KIAA1549L: variants seen among roughly 807,000 people sequenced by gnomAD.
KIAA1549L encodes the protein UPF0606 protein KIAA1549L.
A neutral mutation model predicts 160.7 loss-of-function variants in KIAA1549L; 88 were observed. The ratio of observed to expected loss-of-function variants is 0.55; its 90% confidence interval spans 0.46 to 0.65. KIAA1549L has a LOEUF of 0.65. Among genes scored for constraint, KIAA1549L ranks in the 30% least tolerant of loss-of-function variants. The pLI is 0.00. For missense variants in KIAA1549L, 2,258 were observed against 2,437.5 expected, an observed-to-expected ratio of 0.93 and a Z score of 1.55; for synonymous variants, 950 against 976.7, an observed-to-expected ratio of 0.97 and a Z score of 0.51.
At chr11:33,382,010 G>A (rs1313370112) in intron 1 of KIAA1549L, among the ~76,000 whole-genome samples, 5 of 152,284 alleles carry the variant, frequency 3.3e-5, no homozygotes, top group Middle Eastern at 6.8e-3. Flanking sequence ...TATTCAAGTG[G>A]AGATGTCAGG....
At position 33,632,851 on chromosome 11, in the gene KIAA1549L, C is replaced by T. The variant is rs185937035; in HGVS notation, c.5410-12835C>T. On this transcript the variant is annotated intron_variant, in intron 16 of 20. Transcript: ENST00000658780. ...CTTTGAGCAATTTTCCCACCTCAGC[C>T]TCCCAGAGTGCTGGGATTATAAACA... Among the ~76,000 whole-genome samples, 517 of 152,238 alleles carry T rather than the reference C, an allele frequency of 3.4e-3. 3 individuals are homozygous for T. Among genetic ancestry groups the T allele is most frequent in the African/African-American group, 0.012 (506 of 41,542 alleles).
chr11:33,456,241 TC>T (rs1246975647), intron 1 of KIAA1549L, among the ~76,000 whole-genome samples: 2 of 152,218 alleles, frequency 1.3e-5, no homozygotes, highest in East Asian at 3.9e-4. Context: ...AATTAATTTT[TC>T]CCCCTAGGGC....
At chr11:33,427,334 A>G (rs959107176) in intron 1 of KIAA1549L, among the ~76,000 whole-genome samples, 3 of 152,076 alleles carry the variant, frequency 2.0e-5, no homozygotes, top group African/African-American at 7.2e-5. Context: ...AGGATGAACC[A>G]TCTCTGATCC....
At chr11:33,399,656 C>T (rs745907792) in intron 1 of KIAA1549L, among the ~76,000 whole-genome samples, 8 of 152,188 alleles carry the variant, frequency 5.3e-5, no homozygotes, top group Admixed American at 3.3e-4. Context: ...ATCTGTTCCC[C>T]CTCACCCTCC....
rs1033542 is a variant in KIAA1549L, at chr11:33,646,050, T to C, written c.5760+14T>C. ...CTGCCCCGGCCGGTAAGTCATTCAT[T>C]CCACCCACCTGCCATCATCTGGTCA... On this transcript the variant is annotated intron_variant, in intron 17 of 20. Transcript: ENST00000658780. The C allele has an allele frequency of 0.62, 947,879 of 1,531,842 alleles. 294,190 individuals carry two copies. The highest frequency in any genetic ancestry group is 0.69 in the East Asian group (28,064 of 40,726). 94.9% of individuals were successfully genotyped at this position (1,531,842 alleles called of 1,614,324 possible). A position where few individuals can be genotyped will look rare whatever the true frequency, so the allele number is the denominator to read the frequency against.
intron 1 of KIAA1549L, among the ~76,000 whole-genome samples, chr11:33,388,245 A>G (rs997558496): frequency 1.3e-5 from 2 of 152,188 alleles, no homozygotes; most frequent in Non-Finnish European, 2.9e-5. Flanking sequence ...AAACAAACAC[A>G]TTCTTCTTCA....
At chr11:33,547,942 G>A (rs1360279996) in intron 4 of KIAA1549L, 63 bp downstream of exon 4, 1 of 1,034,530 alleles carries the variant, frequency 9.7e-7, no homozygotes, top group South Asian at 1.4e-5. Flanking sequence ...TCTAGAATAT[G>A]TTTAGATTGT....
At chr11:33,524,670 A>T (rs890753053) in intron 1 of KIAA1549L, among the ~76,000 whole-genome samples, 2 of 152,208 alleles carry the variant, frequency 1.3e-5, no homozygotes, top group Non-Finnish European at 2.9e-5. Flanking sequence ...GACTTAAAAA[A>T]TATGTATAAA....
At chr11:33,378,036 T>C (rs1408353505) in intron 1 of KIAA1549L, among the ~76,000 whole-genome samples, 2 of 152,192 alleles carry the variant, frequency 1.3e-5, no homozygotes, top group African/African-American at 2.4e-5. Context: ...GCCTCAGACT[T>C]GAGAAAAACC....
intron 1 of KIAA1549L, among the ~76,000 whole-genome samples, chr11:33,440,475 A>G (rs1379758620): frequency 8.5e-5 from 13 of 152,148 alleles, no homozygotes; most frequent in Non-Finnish European, 1.6e-4. Flanking sequence ...CTATTCTTTT[A>G]GTAGTTAACC....
chr11:33,420,931 C>A (rs1301467412), intron 1 of KIAA1549L, among the ~76,000 whole-genome samples: 3 of 152,062 alleles, frequency 2.0e-5, no homozygotes, highest in Admixed American at 6.6e-5. Context: ...ATGGATGGAA[C>A]CCATGGGAGG....
chr11:33,573,638 T>G (rs779245016), intron 9 of KIAA1549L, among the ~76,000 whole-genome samples: 75 of 152,332 alleles, frequency 4.9e-4, no homozygotes, highest in Non-Finnish European at 7.6e-4. Context: ...TTTTGTAAAG[T>G]CTTTTAATAT....
chr11:33,391,620 A>G (rs553018253), intron 1 of KIAA1549L, among the ~76,000 whole-genome samples: 1 of 152,282 alleles, frequency 6.6e-6, no homozygotes, highest in East Asian at 1.9e-4. Context: ...TCTTGGCTTC[A>G]GTGTGCTGCT....
At chr11:33,550,822 A>G (rs1854434646) in intron 4 of KIAA1549L, among the ~76,000 whole-genome samples, 1 of 152,208 alleles carries the variant, frequency 6.6e-6, no homozygotes, top group African/African-American at 2.4e-5. Flanking sequence ...ATTCTATACC[A>G]TGAAGGTTTG....
intron 11 of KIAA1549L, among the ~76,000 whole-genome samples, chr11:33,589,281 G>A (rs1293776053): frequency 6.6e-6 from 1 of 152,140 alleles, no homozygotes; most frequent in Non-Finnish European, 1.5e-5. Flanking sequence ...GAGAGGATAT[G>A]GAGAAATAGG....
chr11:33,671,109 A>AAAT lies in KIAA1549L; in HGVS notation c.*2957_*2959dup, dbSNP rs1852662081. The AAAT allele has an allele frequency of 6.6e-6, 1 of 152,254 alleles. No individual in the cohort carries two copies. The highest frequency in any genetic ancestry group is 6.5e-5 in the Admixed American group (1 of 15,286). The allele number at this position is 152,254 out of a possible 1,614,324, so 9.4% of individuals were successfully genotyped here. ...GAGGATGATGCATTTGTGGCATAATAAATAGTTTTCAGTGCTGGTTTTGAT... is the reference window on the plus strand; with the variant it reads ...GAGGATGATGCATTTGTGGCATAATAAATAATAGTTTTCAGTGCTGGTTTTGAT... On this transcript the variant is annotated 3_prime_UTR_variant, in exon 21 of 21. Transcript: ENST00000658780.
At chr11:33,497,430 G>A (rs1013954820) in intron 1 of KIAA1549L, among the ~76,000 whole-genome samples, 17 of 152,034 alleles carry the variant, frequency 1.1e-4, no homozygotes, top group South Asian at 2.1e-4. Context: ...AATAAAACTC[G>A]TTTGTCTTGG....
chr11:33,421,979 C>T (rs1307410587), intron 1 of KIAA1549L, among the ~76,000 whole-genome samples: 1 of 152,122 alleles, frequency 6.6e-6, no homozygotes, highest in Non-Finnish European at 1.5e-5. Context: ...TGCTATTGGT[C>T]TGGGGACCGT....
Position 33,542,311 on chromosome 11 carries a change from T to C in KIAA1549L, c.748T>C (p.Ser250Pro). The C allele has an allele frequency of 3.0e-6, 2 of 665,178 alleles. No individual in the cohort carries two copies. The highest frequency in any genetic ancestry group is 2.7e-5 in the East Asian group (1 of 36,644). 41.2% of individuals were successfully genotyped at this position (665,178 alleles called of 1,614,324 possible). Residue 250 changes from serine to proline, a missense_variant, in exon 2 of 21, where the codon TCA (serine) becomes CCA (proline). Transcript: ENST00000658780. ...PPLLPLPPSS[S>P]LAPDSPHSII... ...ACTCCTCCCTCTACCTCCATCCTCT[T>C]CATTGGCTCCTGACTCACCTCATTC...
Sources: gnomAD v4.1 joint callset for allele counts (sites outside exome capture counted in the v4.1 genomes callset) on GRCh38, gnomAD v4.1.1 for gene constraint, MANE v1.5 for transcripts, NCBI Gene and HGNC (gene_info 2026-07-23, HGNC 2026-07-21) for gene names.